Variants in SYNE1 observed in about 807,000 individuals in gnomAD.
SYNE1 encodes the protein nesprin-1.
SYNE1 carries 616 observed loss-of-function variants against 1,111.0 expected under a neutral mutation model. The ratio of observed to expected loss-of-function variants is 0.55; its 90% CI spans 0.52 to 0.59. The LOEUF is 0.59. Ranked by LOEUF, SYNE1 falls within the 20% of genes least tolerant of loss-of-function variation. The pLI, the probability that SYNE1 is intolerant of heterozygous loss-of-function variation, is 0.00. For synonymous variants in SYNE1, 3,855 were observed against 3,825.8 expected (o/e 1.01, Z -0.28); for missense variants, 10,006 against 10,417.0 (o/e 0.96, Z 1.72).
intron 3 of SYNE1, among the ~76,000 whole-genome samples, chr6:152,556,691 C>T (rs1026199354): frequency 1.3e-5 from 2 of 152,184 alleles, no homozygotes; most frequent in South Asian, 2.1e-4. Context: ...GATGAGAGGA[C>T]CATCTGTCCC....
intron 74 of SYNE1, among the ~76,000 whole-genome samples, chr6:152,342,603 A>G (rs555271323): frequency 1.4e-4 from 21 of 152,354 alleles, no homozygotes; most frequent in African/African-American, 5.1e-4. Context: ...GATCAAATAC[A>G]TTATGCTATT....
At chr6:152,155,539 T>C in intron 132 of SYNE1, 1 of 341,938 alleles carries the variant, frequency 2.9e-6, no homozygotes, top group East Asian at 7.6e-5. Flanking sequence ...AGCACGATTT[T>C]CTGCCACCTT....
intron 98 of SYNE1, among the ~76,000 whole-genome samples, chr6:152,276,142 C>G (rs192472697): frequency 6.8e-6 from 1 of 146,668 alleles, no homozygotes; most frequent in African/African-American, 2.5e-5. Flanking sequence ...TCAAGCAGTT[C>G]TCATGCCTCA....
In SYNE1 at chr6:152,148,074, A is replaced by G; in HGVS notation, c.24947T>C (p.Phe8316Ser). The G allele has an allele frequency of 6.2e-7, 1 of 1,614,172 alleles. No individual in the cohort carries two copies. Among genetic ancestry groups the G allele is most frequent in the Non-Finnish European group, 8.5e-7 (1 of 1,180,038 alleles). The change falls in exon 137 of 146, where the codon TTC (phenylalanine) becomes TCC (serine). Residue 8316 changes from phenylalanine (F) to serine (S), a missense_variant. Physicochemically the swap from Phe to Ser is radical, Grantham distance 155 (BLOSUM62 -2). Around this residue, in one of 7 missense-constraint regions of SYNE1, gnomAD observed 761 missense variants for 795.5 expected, o/e 0.96. Coordinates refer to ENST00000367255, the MANE Select transcript of SYNE1 (RefSeq NM_182961.4). This position sits in a 1 kb window ranked among gnomAD's most constrained non-coding sequence, Gnocchi z 4.1. Reference protein sequence around the residue: ...EDEEGQDDKDFYLRGAVGLSG... With the variant: ...EDEEGQDDKDSYLRGAVGLSG... ...TAAGCCAACAGCTCCCCGGAGGTAG[A>G]AATCTTTGTCATCCTGACCTTCTTC... is the stretch of plus-strand genomic sequence containing the variant.
chr6:152,225,297 ACACACG>A (rs76683174), intron 116 of SYNE1, among the ~76,000 whole-genome samples: 14,831 of 133,674 alleles, frequency 0.11, 910 homozygotes, highest in Admixed American at 0.21. Flanking sequence ...ACACACACAC[ACACACG>A]CACACACACA....
chr6:152,617,330 G>GT, intron 3 of SYNE1, among the ~76,000 whole-genome samples: 1 of 152,216 alleles, frequency 6.6e-6, no homozygotes, highest in African/African-American at 2.4e-5. Context: ...ATATGTGTTT[G>GT]TTTTTGTAGA....
At chr6:152,339,155 C>A (rs1166767915) in intron 75 of SYNE1, 86 bp downstream of exon 75, 1 of 1,551,838 alleles carries the variant, frequency 6.4e-7, no homozygotes, top group Non-Finnish European at 8.8e-7. Flanking sequence ...AAGCCAAGAG[C>A]TATTTTCTTT....
intron 137 of SYNE1, chr6:152,145,870 C>G: frequency 2.8e-6 from 1 of 357,896 alleles, no homozygotes; most frequent in Non-Finnish European, 5.5e-6. Flanking sequence ...ACTAAAAATA[C>G]AAAAATTAGC....
At chr6:152,506,187 C>T (rs772334343) in intron 8 of SYNE1, among the ~76,000 whole-genome samples, 1 of 152,064 alleles carries the variant, frequency 6.6e-6, no homozygotes, top group Non-Finnish European at 1.5e-5. Context: ...AAAAGAGAAG[C>T]GAGGCAAGCT....
At chr6:152,170,179 C>T (rs951549266) in intron 130 of SYNE1, among the ~76,000 whole-genome samples, 1 of 151,670 alleles carries the variant, frequency 6.6e-6, no homozygotes, top group Admixed American at 6.6e-5. Context: ...TATATGTATT[C>T]CAATGAACTA....
In SYNE1 at chr6:152,263,383, T is replaced by C. The variant is rs552997855; in HGVS notation, c.18816-1195A>G. ...AGCAATGTGACATCTGAGATTGGTA[T>C]GGCTCTTATTTATTTATTTATTTTT... On this transcript the variant is annotated intron_variant, in intron 100 of 145. Coordinates refer to ENST00000367255, the MANE Select transcript of SYNE1 (RefSeq NM_182961.4). 1.5e-4 allele frequency among the ~76,000 whole-genome samples: 23 copies of C among 152,090 alleles called. No homozygotes were observed. The South Asian group carries it at 4.8e-3, about 32-fold the overall frequency.
At chr6:152,545,536 C>T (rs1303756904) in intron 3 of SYNE1, among the ~76,000 whole-genome samples, 6 of 152,090 alleles carry the variant, frequency 3.9e-5, no homozygotes, top group South Asian at 2.1e-4. Context: ...GCAGAGATCA[C>T]GCCACTGCAC....
At chr6:152,506,037 T>G (rs2099056548) in intron 8 of SYNE1, among the ~76,000 whole-genome samples, 1 of 152,220 alleles carries the variant, frequency 6.6e-6, no homozygotes, top group African/African-American at 2.4e-5. Flanking sequence ...CCAATAAAAT[T>G]GTTTTTAAGC....
intron 20 of SYNE1, 88 bp from the exon 21 acceptor site, chr6:152,461,828 T>C: frequency 6.5e-7 from 1 of 1,550,070 alleles, no homozygotes; most frequent in South Asian, 1.1e-5. Context: ...CAAAAATCAA[T>C]ATGCACTGTA....
chr6:152,553,809 G>A (rs996398854), intron 3 of SYNE1, among the ~76,000 whole-genome samples: 1 of 152,178 alleles, frequency 6.6e-6, no homozygotes, highest in African/African-American at 2.4e-5. Context: ...TTGTCAGCAG[G>A]AGGTTTTTTA....
intron 119 of SYNE1, 81 bp from the exon 120 acceptor site, chr6:152,219,266 T>C (rs1448291775): frequency 1.5e-6 from 2 of 1,319,690 alleles, no homozygotes; most frequent in Non-Finnish European, 1.1e-6. Context: ...GGGCTACACA[T>C]GTAGAAACAC....
chr6:152,498,383 A>G (rs2099010869), intron 11 of SYNE1, among the ~76,000 whole-genome samples: 1 of 152,180 alleles, frequency 6.6e-6, no homozygotes. Flanking sequence ...TTAAGATACA[A>G]AACTAAACCT....
At chr6:152,305,535 A>G (rs1238247777) in intron 91 of SYNE1, among the ~76,000 whole-genome samples, 1 of 152,182 alleles carries the variant, frequency 6.6e-6, no homozygotes, top group Non-Finnish European at 1.5e-5. Flanking sequence ...AAGTACTGGG[A>G]TTACAAGTGT....
intron 127 of SYNE1, among the ~76,000 whole-genome samples, chr6:152,192,116 T>C (rs976837866): frequency 1.3e-5 from 2 of 152,228 alleles, no homozygotes; most frequent in Non-Finnish European, 1.5e-5. Context: ...AGATACTTGA[T>C]AAAATTTCAC....
Sources: gnomAD v4.1 joint callset for allele counts (sites outside exome capture counted in the v4.1 genomes callset) on GRCh38, gnomAD v4.1.1 for gene constraint, gnomAD v4.1.1 regional missense constraint, Gnocchi (gnomAD v3.1) non-coding constraint, MANE v1.5 for transcripts, NCBI Gene and HGNC (gene_info 2026-07-23, HGNC 2026-07-21) for gene names.